WDR4: variants seen among roughly 807,000 people sequenced by gnomAD.
WDR4 encodes tRNA (guanine-N(7)-)-methyltransferase non-catalytic subunit WDR4.
In WDR4, 47 loss-of-function variants were observed where a neutral mutation model predicts 48.6. The observed-to-expected ratio is 0.97, with a 90% CI of 0.77 to 1.23. The LOEUF is 1.23. Among genes scored for constraint, WDR4 ranks in the 50% most tolerant of loss-of-function variants. The pLI, the probability that WDR4 is intolerant of heterozygous loss-of-function variation, is 0.00. For synonymous variants in WDR4, 268 were observed against 230.0 expected, an observed-to-expected ratio of 1.17 and a Z score of -1.49; for missense variants, 606 against 551.6, an observed-to-expected ratio of 1.10 and a Z score of -0.99.
intron 3 of WDR4, among the ~76,000 whole-genome samples, chr21:42,864,563 T>A (rs1047374330): frequency 6.6e-6 from 1 of 152,134 alleles, no homozygotes; most frequent in Non-Finnish European, 1.5e-5. Flanking sequence ...TTATCCAGCG[T>A]GTGAGAGGCC....
At chr21:42,854,958 C>G (rs1380771602) in intron 7 of WDR4, among the ~76,000 whole-genome samples, 1 of 152,038 alleles carries the variant, frequency 6.6e-6, no homozygotes, top group African/African-American at 2.4e-5. Context: ...ATACAACTGC[C>G]CTGTGAGCTC....
downstream of WDR4, among the ~76,000 whole-genome samples, chr21:42,848,400 C>A (rs1481079904): frequency 4.0e-5 from 6 of 148,704 alleles, no homozygotes; most frequent in Non-Finnish European, 8.9e-5. Flanking sequence ...AGCACACGAT[C>A]ACGCGGCGCG....
At chr21:42,858,119 G>C (rs953927891) in intron 6 of WDR4, among the ~76,000 whole-genome samples, 1 of 152,190 alleles carries the variant, frequency 6.6e-6, no homozygotes, top group Non-Finnish European at 1.5e-5. Flanking sequence ...GAGCATTAAA[G>C]TGGTTCAACT....
At position 42,868,414 on chromosome 21, in the gene WDR4, T is replaced by C. The variant is rs191020068; in HGVS notation, c.297-4818A>G. Reference sequence around the variant, plus strand: ...TCACAGCCGCAGCACTGTCCAGACTTGAAAGAGTCAGCGTCTTCAAGACAC... The same window carrying C: ...TCACAGCCGCAGCACTGTCCAGACTCGAAAGAGTCAGCGTCTTCAAGACAC... On this transcript the variant is annotated intron_variant, in intron 3 of 10. Coordinates refer to ENST00000398208, the MANE Select transcript of WDR4 (RefSeq NM_018669.6). 1.8e-3 allele frequency among the ~76,000 whole-genome samples: 278 copies of C among 152,264 alleles called. 3 individuals are homozygous for C. Among genetic ancestry groups the C allele is most frequent in the Non-Finnish European group, 1.1e-3 (77 of 68,008 alleles).
chr21:42,848,350 C>T (rs1462751843), downstream of WDR4, among the ~76,000 whole-genome samples: 4 of 148,142 alleles, frequency 2.7e-5, no homozygotes, highest in Non-Finnish European at 6.0e-5. Flanking sequence ...ACCTCACACA[C>T]ACACAGCGCA....
chr21:42,892,771 G>C, the WDR4 span, among the ~76,000 whole-genome samples: 2 of 152,242 alleles, frequency 1.3e-5, no homozygotes, highest in Non-Finnish European at 2.9e-5. Flanking sequence ...CGTTGGCAGG[G>C]GCCATGCAGG....
Position 42,862,437 on chromosome 21 carries a change from G to A in WDR4, c.454-43C>T. 1 of 1,525,366 alleles carries A rather than the reference G, an allele frequency of 6.6e-7. No individual in the cohort carries two copies. Among genetic ancestry groups the A allele is most frequent in the Non-Finnish European group, 8.9e-7 (1 of 1,123,730 alleles). The allele number at this position is 1,525,366 out of a possible 1,614,324, so 94.5% of individuals were successfully genotyped here. On this transcript the variant is annotated intron_variant, in intron 4 of 10. Coordinates refer to ENST00000398208, the MANE Select transcript of WDR4 (RefSeq NM_018669.6). The surrounding 1 kb of genome is among the most constrained non-coding windows in gnomAD (Gnocchi z 4.3). ...AGAAAAGAAAAAGCCGCTCACCTGA[G>A]TCTTCCCGAATCAAGTCCCTCATGG...
upstream of WDR4, among the ~76,000 whole-genome samples, chr21:42,881,434 T>C (rs1453122661): frequency 2.6e-5 from 4 of 152,210 alleles, no homozygotes; most frequent in Non-Finnish European, 5.9e-5. Flanking sequence ...CACACTCTTT[T>C]CTATAAGTGT....
chr21:42,863,570 A>T lies in WDR4; in HGVS notation c.323T>A (p.Leu108Gln). 6.2e-7 allele frequency: 1 copy of T among 1,613,830 alleles called. No individual in the cohort carries two copies. The highest frequency in any genetic ancestry group is 1.1e-5 in the South Asian group (1 of 91,050). ...VRTVARRCTA[L>Q]TFIASEEKVL... ...CTTCTCCTCCGAGGCTATGAAAGTCAGGGCTGTACACCTCCTTGCCACGGT... is the reference window on the plus strand; with the variant it reads ...CTTCTCCTCCGAGGCTATGAAAGTCTGGGCTGTACACCTCCTTGCCACGGT... Residue 108 changes from leucine to glutamine, a missense_variant, in exon 4 of 11, where the codon CTG becomes CAG. Physicochemically the swap from Leu to Gln is moderately radical, Grantham distance 113. Transcript: ENST00000398208.
the WDR4 span, among the ~76,000 whole-genome samples, chr21:42,889,011 T>C: frequency 4.1e-5 from 6 of 144,676 alleles, no homozygotes; most frequent in Admixed American, 2.8e-4. Flanking sequence ...GCCTCTAAAT[T>C]TATCTTTGAT....
At chr21:42,883,187 A>G, upstream of WDR4, among the ~76,000 whole-genome samples, 1 of 151,268 alleles carries the variant, frequency 6.6e-6, no homozygotes, top group East Asian at 1.9e-4. Flanking sequence ...AGGTACGAGA[A>G]TCACTTGAAC....
chr21:42,874,369 G>A (rs1215214292), intron 2 of WDR4, among the ~76,000 whole-genome samples: 2 of 152,090 alleles, frequency 1.3e-5, no homozygotes, highest in African/African-American at 4.8e-5. Flanking sequence ...TAATTGCGTT[G>A]ACTGCACAAA....
intron 10 of WDR4, among the ~76,000 whole-genome samples, chr21:42,851,443 G>A (rs766998949): frequency 3.3e-5 from 5 of 152,204 alleles, no homozygotes; most frequent in African/African-American, 1.2e-4. Flanking sequence ...AAACTCCTCC[G>A]ACCTCAGTGT....
At chr21:42,871,939 A>G (rs1207683015) in intron 3 of WDR4, among the ~76,000 whole-genome samples, 1 of 152,180 alleles carries the variant, frequency 6.6e-6, no homozygotes, top group African/African-American at 2.4e-5. Flanking sequence ...ACCTGACTGG[A>G]AGAGAGGACA....
At chr21:42,874,079 T>C (rs1303907658) in intron 2 of WDR4, among the ~76,000 whole-genome samples, 3 of 152,160 alleles carry the variant, frequency 2.0e-5, no homozygotes, top group Admixed American at 2.0e-4. Context: ...ACTTTGGTGT[T>C]GCGAGAAGTC....
intron 3 of WDR4, among the ~76,000 whole-genome samples, chr21:42,864,107 C>CAAAAAAAA (rs776906461): frequency 1.4e-4 from 7 of 50,556 alleles, no homozygotes; most frequent in East Asian, 5.3e-4. Context: ...GACTCCGTCT[C>CAAAAAAAA]AAAAAAAAAA....
intron 6 of WDR4, among the ~76,000 whole-genome samples, chr21:42,859,385 C>T (rs563973882): frequency 5.4e-4 from 82 of 152,332 alleles, no homozygotes; most frequent in Admixed American, 1.6e-3. Flanking sequence ...CCGATACCAT[C>T]GTAGATGCAG....
At chr21:42,854,235 T>C (rs2057923487) in intron 8 of WDR4, among the ~76,000 whole-genome samples, 1 of 152,164 alleles carries the variant, frequency 6.6e-6, no homozygotes, top group Admixed American at 6.5e-5. Context: ...GGGGTTCCCA[T>C]CCGACCAGCC....
chr21:42,870,975 A>C (rs2058357606), intron 3 of WDR4, among the ~76,000 whole-genome samples: 1 of 152,232 alleles, frequency 6.6e-6, no homozygotes, highest in Non-Finnish European at 1.5e-5. Context: ...CCTATGTTGA[A>C]GCCCTGACCT....
Sources: gnomAD v4.1 joint callset for allele counts (sites outside exome capture counted in the v4.1 genomes callset) on GRCh38, gnomAD v4.1.1 for gene constraint, Gnocchi (gnomAD v3.1) non-coding constraint, MANE v1.5 for transcripts, NCBI Gene and HGNC (gene_info 2026-07-23, HGNC 2026-07-21) for gene names.